Variants in ATXN7L1 observed in about 807,000 individuals in gnomAD.
ATXN7L1 encodes the protein ataxin-7-like protein 1.
In ATXN7L1, 15 loss-of-function variants were observed where a neutral mutation model predicts 70.8. That is an observed-to-expected ratio of 0.21 (90% CI 0.14 to 0.33). The LOEUF is 0.33. Among genes scored for constraint, ATXN7L1 ranks in the 10% least tolerant of loss-of-function variants. ATXN7L1 has a pLI of 1.00. For synonymous variants in ATXN7L1, 440 were observed against 445.1 expected, an observed-to-expected ratio of 0.99 and a Z score of 0.14; for missense variants, 975 against 1,097.1, an observed-to-expected ratio of 0.89 and a Z score of 1.57.
At chr7:105,813,326 C>A in intron 2 of ATXN7L1, among the ~76,000 whole-genome samples, 1 of 147,928 alleles carries the variant, frequency 6.8e-6, no homozygotes, top group South Asian at 2.2e-4. Flanking sequence ...CTAGTATTCA[C>A]AATCTACAAT....
chr7:105,701,254 G>A (rs913635630), intron 3 of ATXN7L1, among the ~76,000 whole-genome samples: 2 of 152,110 alleles, frequency 1.3e-5, no homozygotes, highest in Non-Finnish European at 2.9e-5. Context: ...GCATAAAAAT[G>A]ATGATGCAGA....
At chr7:105,732,009 C>T (rs1489589918) in intron 3 of ATXN7L1, among the ~76,000 whole-genome samples, 43 of 152,080 alleles carry the variant, frequency 2.8e-4, no homozygotes. Flanking sequence ...AGGAGAATCG[C>T]TTGAACCCGG....
intron 10 of ATXN7L1, among the ~76,000 whole-genome samples, chr7:105,612,531 G>C (rs1184726548): frequency 6.6e-6 from 1 of 152,160 alleles, no homozygotes; most frequent in Non-Finnish European, 1.5e-5. Flanking sequence ...GAGAGGCCTT[G>C]GCTCTGCCCT....
intron 9 of ATXN7L1, among the ~76,000 whole-genome samples, chr7:105,616,092 G>A (rs1171728749): frequency 1.3e-5 from 2 of 152,186 alleles, no homozygotes; most frequent in African/African-American, 4.8e-5. Flanking sequence ...TCCCTCTCCC[G>A]GTTTCCCTGG....
intron 9 of ATXN7L1, chr7:105,617,779 T>C: frequency 2.7e-6 from 1 of 363,690 alleles, no homozygotes; most frequent in South Asian, 2.0e-5. Context: ...GGCATGGAGG[T>C]CCAGATGCTG....
intron 3 of ATXN7L1, among the ~76,000 whole-genome samples, chr7:105,684,343 A>G (rs1033804927): frequency 6.6e-6 from 1 of 152,198 alleles, no homozygotes; most frequent in Non-Finnish European, 1.5e-5. Context: ...TTTACAAAGC[A>G]TCATTTTCAT....
chr7:105,676,789 G>A (rs191501562), intron 3 of ATXN7L1, among the ~76,000 whole-genome samples: 188 of 152,240 alleles, frequency 1.2e-3, no homozygotes, highest in Admixed American at 5.1e-3. Flanking sequence ...GCAATGAACC[G>A]AGATTGCGAC....
At chr7:105,853,495 A>C (rs565103282) in intron 2 of ATXN7L1, among the ~76,000 whole-genome samples, 2 of 152,280 alleles carry the variant, frequency 1.3e-5, no homozygotes, top group East Asian at 3.9e-4. Flanking sequence ...CGGAGGTTGC[A>C]GTGAGCAGAG....
chr7:105,802,866 T>G (rs1807026977), intron 2 of ATXN7L1, among the ~76,000 whole-genome samples: 1 of 152,156 alleles, frequency 6.6e-6, no homozygotes, highest in Non-Finnish European at 1.5e-5. Flanking sequence ...CTGGTTTAAA[T>G]GAAGTTTCTG....
At chr7:105,647,514 G>T (rs1189638601) in intron 4 of ATXN7L1, among the ~76,000 whole-genome samples, 1 of 152,202 alleles carries the variant, frequency 6.6e-6, no homozygotes. Context: ...GGGCGCGGTG[G>T]CACATGCCTG....
intron 3 of ATXN7L1, among the ~76,000 whole-genome samples, chr7:105,692,411 T>TTCCTTCCTTCCTTCCTTCCTTCCCTCCC (rs1554431635): frequency 5.9e-5 from 7 of 119,416 alleles, no homozygotes; most frequent in African/African-American, 1.3e-4. Context: ...CCTTCCTTCC[T>TTCCTTCCTTCCTTCCTTCCTTCCCTCCC]TCCTTCCTTC....
At chr7:105,796,566 TCAGA>T (rs1806024865) in intron 2 of ATXN7L1, among the ~76,000 whole-genome samples, 1 of 152,000 alleles carries the variant, frequency 6.6e-6, no homozygotes, top group Non-Finnish European at 1.5e-5. Context: ...TTACATGAAC[TCAGA>T]CAGGCCAAAT....
At chr7:105,608,923 G>A (rs1394313851) in intron 11 of ATXN7L1, among the ~76,000 whole-genome samples, 2 of 152,122 alleles carry the variant, frequency 1.3e-5, no homozygotes, top group Non-Finnish European at 2.9e-5. Context: ...TTCCAATCAT[G>A]TGTAAGGGGC....
chr7:105,790,827 G>C (rs1355540746), intron 2 of ATXN7L1, among the ~76,000 whole-genome samples: 2 of 152,114 alleles, frequency 1.3e-5, no homozygotes, highest in Admixed American at 6.5e-5. Context: ...TTAGCTGACT[G>C]GCTTTGAGAG....
intron 10 of ATXN7L1, chr7:105,613,501 G>A (rs1289546918): frequency 8.7e-7 from 1 of 1,153,318 alleles, no homozygotes; most frequent in Non-Finnish European, 1.1e-6. Context: ...TAATGACAAT[G>A]TTCTCAGAAC....
intron 3 of ATXN7L1, among the ~76,000 whole-genome samples, chr7:105,710,347 G>A (rs563179709): frequency 7.9e-5 from 12 of 151,592 alleles, no homozygotes; most frequent in South Asian, 6.3e-4. Context: ...AAGCAAGCAC[G>A]TCTTACTATG....
chr7:105,678,639 G>A (rs770566072), intron 3 of ATXN7L1, among the ~76,000 whole-genome samples: 2 of 152,240 alleles, frequency 1.3e-5, no homozygotes, highest in African/African-American at 2.4e-5. Context: ...TAAGTGCACT[G>A]AGTAGATAAT....
intron 7 of ATXN7L1, among the ~76,000 whole-genome samples, chr7:105,634,579 T>C (rs1241454165): frequency 6.6e-6 from 1 of 152,142 alleles, no homozygotes; most frequent in African/African-American, 2.4e-5. Flanking sequence ...TGCTGTTGAA[T>C]TCCTGGGCTC....
chr7:105,845,202 C>A (rs568765352), intron 2 of ATXN7L1, among the ~76,000 whole-genome samples: 914 of 15,430 alleles, frequency 0.059, 69 homozygotes, highest in East Asian at 0.3. Flanking sequence ...AAAACTCTGT[C>A]TCAAAAAAAA....
Sources: allele counts gnomAD v4.1 joint callset (sites outside exome capture counted in the v4.1 genomes callset), GRCh38; gene constraint gnomAD v4.1.1; transcripts MANE v1.5; gene names NCBI Gene and HGNC (gene_info 2026-07-23, HGNC 2026-07-21).